Variants in PDE4B observed in about 807,000 individuals in gnomAD.
PDE4B encodes the protein phosphodiesterase 4B, also known as 3',5'-cyclic-AMP phosphodiesterase 4B.
PDE4B carries 20 observed loss-of-function variants against 82.2 expected under a neutral mutation model. The observed-to-expected ratio is 0.24, with a 90% confidence interval of 0.17 to 0.35. The LOEUF (loss-of-function observed/expected upper bound fraction) is 0.35, where lower values mean the gene tolerates loss of function less well. Among genes scored for constraint, PDE4B ranks in the 10% least tolerant of loss-of-function variants. PDE4B has a pLI of 1.00. For synonymous variants in PDE4B, 320 were observed against 318.9 expected (o/e 1.00, Z -0.04); for missense variants, 655 against 907.2 (o/e 0.72, Z 3.57).
intron 1 of PDE4B, among the ~76,000 whole-genome samples, chr1:65,805,555 C>G (rs1294080098): frequency 6.6e-6 from 1 of 151,940 alleles, no homozygotes; most frequent in Non-Finnish European, 1.5e-5. Flanking sequence ...TTTTAAACCT[C>G]TTTCCTACAG....
chr1:66,335,373 G>A (rs533716387), intron 8 of PDE4B, among the ~76,000 whole-genome samples: 2 of 152,222 alleles, frequency 1.3e-5, no homozygotes, highest in African/African-American at 4.8e-5. Context: ...CATAAGTGCA[G>A]TCTACATGCA....
At chr1:66,081,945 G>A (rs759124509) in intron 3 of PDE4B, among the ~76,000 whole-genome samples, 2 of 151,634 alleles carry the variant, frequency 1.3e-5, no homozygotes, top group Admixed American at 6.6e-5. Flanking sequence ...AAGTCATCTA[G>A]TCTAACATGT....
chr1:65,825,838 A>AT (rs942808081), intron 1 of PDE4B, among the ~76,000 whole-genome samples: 23 of 146,982 alleles, frequency 1.6e-4, no homozygotes, highest in East Asian at 4.0e-4. Flanking sequence ...CTTTCCTGAG[A>AT]TTTTTTTTTT....
intron 3 of PDE4B, among the ~76,000 whole-genome samples, chr1:66,124,174 G>T (rs1318484061): frequency 1.3e-5 from 2 of 152,302 alleles, no homozygotes; most frequent in South Asian, 2.1e-4. Context: ...AGTGAAGCAG[G>T]ACTGGCATAA....
chr1:66,063,225 T>C (rs1655673522), intron 3 of PDE4B, among the ~76,000 whole-genome samples: 1 of 152,060 alleles, frequency 6.6e-6, no homozygotes, highest in Non-Finnish European at 1.5e-5. Context: ...CTCTAGTTTC[T>C]CACTCAGTTG....
chr1:65,881,555 A>G (rs1224435031), intron 1 of PDE4B, among the ~76,000 whole-genome samples: 2 of 152,122 alleles, frequency 1.3e-5, no homozygotes, highest in Non-Finnish European at 2.9e-5. Context: ...CAATTTACAA[A>G]CACCATTTCT....
intron 3 of PDE4B, among the ~76,000 whole-genome samples, chr1:66,023,507 G>C (rs79415400): frequency 0.024 from 3,658 of 152,200 alleles, 76 homozygotes; most frequent in Middle Eastern, 0.034. Flanking sequence ...GTTCAGAGAA[G>C]GAAGTTGTTT....
intron 3 of PDE4B, among the ~76,000 whole-genome samples, chr1:65,922,470 A>G (rs17451451): frequency 0.15 from 22,093 of 152,194 alleles, 1,853 homozygotes; most frequent in Middle Eastern, 0.29. Context: ...TGAAAGCAAG[A>G]TGTTATCTTT....
chr1:66,096,165 AC>A (rs1201063348), intron 3 of PDE4B, among the ~76,000 whole-genome samples: 2 of 151,426 alleles, frequency 1.3e-5, no homozygotes, highest in African/African-American at 4.8e-5. Context: ...CTGTGCATAT[AC>A]CCTTTTCCTT....
At chr1:66,260,300 C>T (rs1654589589) in intron 6 of PDE4B, among the ~76,000 whole-genome samples, 1 of 152,196 alleles carries the variant, frequency 6.6e-6, no homozygotes, top group Non-Finnish European at 1.5e-5. Flanking sequence ...TCCTGACTGT[C>T]ACTGCAGTGC....
intron 7 of PDE4B, among the ~76,000 whole-genome samples, chr1:66,321,073 CA>C (rs1353424307): frequency 6.6e-6 from 1 of 152,116 alleles, no homozygotes; most frequent in Non-Finnish European, 1.5e-5. Flanking sequence ...TCATGCTTAC[CA>C]AGCCATCTTA....
intron 3 of PDE4B, among the ~76,000 whole-genome samples, chr1:66,131,702 C>T (rs1033074037): frequency 3.5e-5 from 5 of 140,970 alleles, no homozygotes; most frequent in African/African-American, 1.3e-4. Flanking sequence ...CACATTAATT[C>T]AATCAACAAT....
At chr1:66,236,811 T>G (rs1652497034) in intron 3 of PDE4B, among the ~76,000 whole-genome samples, 1 of 152,142 alleles carries the variant, frequency 6.6e-6, no homozygotes, top group Admixed American at 6.6e-5. Flanking sequence ...GAACAGTTGT[T>G]TACACGTGTG....
intron 3 of PDE4B, among the ~76,000 whole-genome samples, chr1:66,129,374 G>A (rs1450109766): frequency 6.6e-6 from 1 of 152,104 alleles, no homozygotes; most frequent in African/African-American, 2.4e-5. Context: ...AAACCTCTCT[G>A]TGGCCGGGCG....
intron 1 of PDE4B, among the ~76,000 whole-genome samples, chr1:65,823,579 GTC>G (rs1645981089): frequency 6.6e-6 from 1 of 151,762 alleles, no homozygotes; most frequent in Admixed American, 6.6e-5. Flanking sequence ...CTTTTTACTG[GTC>G]TCTGAGCATC....
At chr1:66,070,513 T>C (rs999884837) in intron 3 of PDE4B, among the ~76,000 whole-genome samples, 4 of 152,046 alleles carry the variant, frequency 2.6e-5, no homozygotes, top group African/African-American at 9.7e-5. Flanking sequence ...GTCCCAAAGT[T>C]CTGGCTATTC....
chr1:66,158,347 A>G (rs575875771), intron 3 of PDE4B, among the ~76,000 whole-genome samples: 28 of 152,200 alleles, frequency 1.8e-4, no homozygotes, highest in Non-Finnish European at 3.1e-4. Context: ...AGAACAAGCA[A>G]TGCTATTTCA....
chr1:66,324,605 G>A (rs1024315288), intron 7 of PDE4B, among the ~76,000 whole-genome samples: 1 of 152,172 alleles, frequency 6.6e-6, no homozygotes, highest in Non-Finnish European at 1.5e-5. Flanking sequence ...TTGCTAAAGA[G>A]ATCGGCATCA....
chr1:66,083,292 T>A (rs1464106927), intron 3 of PDE4B, among the ~76,000 whole-genome samples: 1 of 152,060 alleles, frequency 6.6e-6, no homozygotes, highest in African/African-American at 2.4e-5. Flanking sequence ...CCACCCACCA[T>A]CAGTCCCCAG....
Sources: gnomAD v4.1 joint callset for allele counts (sites outside exome capture counted in the v4.1 genomes callset) on GRCh38, gnomAD v4.1.1 for gene constraint, MANE v1.5 for transcripts, NCBI Gene and HGNC (gene_info 2026-07-23, HGNC 2026-07-21) for gene names.